Variants in NTM observed in about 807,000 individuals in gnomAD.
The protein encoded by NTM is neurotrimin, also known as IgLON family member 2.
Under a neutral mutation model 42.1 loss-of-function variants are expected in NTM, and 13 were observed. That is an observed-to-expected ratio of 0.31 (90% CI 0.20 to 0.49). The LOEUF is 0.49. Among genes scored for constraint, NTM ranks in the 20% least tolerant of loss-of-function variants. The pLI is 0.99. For missense variants in NTM, 373 were observed against 452.8 expected (o/e 0.82, Z 1.60); for synonymous variants, 187 against 179.2 (o/e 1.04, Z -0.35).
intron 1 of NTM, among the ~76,000 whole-genome samples, chr11:131,498,546 ACACT>A (rs1955593963): frequency 6.6e-6 from 1 of 151,994 alleles, no homozygotes; most frequent in South Asian, 2.1e-4. Context: ...ACACACGCAC[ACACT>A]CACACACATA....
At chr11:131,760,848 AGAG>A (rs915372384) in intron 1 of NTM, among the ~76,000 whole-genome samples, 1 of 152,190 alleles carries the variant, frequency 6.6e-6, no homozygotes, top group African/African-American at 2.4e-5. Flanking sequence ...GAGCGTAGGA[AGAG>A]GACTGTGCCC....
chr11:131,920,764 A>G (rs528212310), intron 2 of NTM, among the ~76,000 whole-genome samples: 2 of 152,208 alleles, frequency 1.3e-5, no homozygotes, highest in Non-Finnish European at 2.9e-5. Flanking sequence ...AAAATAATAG[A>G]ATTTTTAATG....
At chr11:131,876,739 C>T (rs899235902) in intron 1 of NTM, among the ~76,000 whole-genome samples, 30 of 152,074 alleles carry the variant, frequency 2.0e-4, no homozygotes, top group African/African-American at 7.2e-4. Context: ...TTTTTTCTGT[C>T]TGTGAATAAA....
Position 131,598,903 on chromosome 11 carries a change from C to T in NTM, c.82+228015C>T, listed in dbSNP as rs866213539. Among the ~76,000 whole-genome samples, 403 of 127,882 alleles carry T rather than the reference C, an allele frequency of 3.2e-3. 33 individuals are homozygous for T. Among genetic ancestry groups the T allele is most frequent in the African/African-American group, 0.013 (385 of 30,106 alleles). 83.9% of individuals were successfully genotyped at this position (127,882 alleles called of 152,430 possible). ...TCCTTCCTTCCTTCCTTCCTTCCTT[C>T]CTTCCTTCCTTCCTTCCTTCTTTCC... On this transcript the variant is annotated intron_variant, in intron 1 of 8. Transcript: ENST00000683400.
intron 2 of NTM, among the ~76,000 whole-genome samples, chr11:132,016,051 G>T (rs1447163592): frequency 6.6e-6 from 1 of 151,150 alleles, no homozygotes; most frequent in Non-Finnish European, 1.5e-5. Flanking sequence ...TTAGATGTAG[G>T]TTTGTCATAT....
chr11:132,050,322 T>TGCA (rs1229046537), intron 2 of NTM, among the ~76,000 whole-genome samples: 1 of 152,184 alleles, frequency 6.6e-6, no homozygotes, highest in East Asian at 1.9e-4. Flanking sequence ...AGCTCTGTCC[T>TGCA]GCAGCAGCAG....
At chr11:132,278,337 C>T (rs548277143) in intron 4 of NTM, among the ~76,000 whole-genome samples, 4 of 152,252 alleles carry the variant, frequency 2.6e-5, no homozygotes, top group African/African-American at 9.6e-5. Flanking sequence ...CTGTGGGCCT[C>T]AGTTGGAAAG....
chr11:131,436,772 T>C (rs528527515), intron 1 of NTM, among the ~76,000 whole-genome samples: 2 of 152,300 alleles, frequency 1.3e-5, no homozygotes, highest in African/African-American at 2.4e-5. Flanking sequence ...GGGTTTTGTG[T>C]TTCTATCTCC....
At chr11:131,684,684 T>C (rs542139759) in intron 1 of NTM, among the ~76,000 whole-genome samples, 2 of 152,334 alleles carry the variant, frequency 1.3e-5, no homozygotes, top group African/African-American at 4.8e-5. Flanking sequence ...TCCCTGCCTC[T>C]GTTTGAGAAG....
chr11:131,971,783 C>T (rs142374201), intron 2 of NTM, among the ~76,000 whole-genome samples: 15,143 of 151,814 alleles, frequency 0.1, 798 homozygotes, highest in East Asian at 0.19. Context: ...CAGTGGCTCA[C>T]GCCTGTAATC....
intron 1 of NTM, among the ~76,000 whole-genome samples, chr11:131,381,766 T>C (rs1942709264): frequency 6.6e-6 from 1 of 152,132 alleles, no homozygotes; most frequent in Non-Finnish European, 1.5e-5. Context: ...ACTACCTGAG[T>C]TGTGGCTCTC....
intron 1 of NTM, among the ~76,000 whole-genome samples, chr11:131,618,939 G>A (rs1306740703): frequency 2.0e-5 from 3 of 152,158 alleles, no homozygotes; most frequent in Non-Finnish European, 2.9e-5. Context: ...TGTCTGGCAT[G>A]TTTTCAGAGC....
intron 1 of NTM, among the ~76,000 whole-genome samples, chr11:131,670,429 T>G (rs1476735644): frequency 3.9e-5 from 6 of 152,172 alleles, no homozygotes. Flanking sequence ...ATTTATTTAT[T>G]TTTGCTAAGG....
chr11:132,103,688 T>C (rs1400652354), intron 2 of NTM, among the ~76,000 whole-genome samples: 1 of 152,216 alleles, frequency 6.6e-6, no homozygotes, highest in Admixed American at 6.5e-5. Flanking sequence ...GGGAAGGTAG[T>C]GTGCATATTT....
intron 2 of NTM, among the ~76,000 whole-genome samples, chr11:131,945,765 C>T (rs1399832835): frequency 2.6e-5 from 4 of 152,170 alleles, no homozygotes; most frequent in Non-Finnish European, 4.4e-5. Context: ...TACTGATATG[C>T]TCCCAAAGTC....
intron 1 of NTM, among the ~76,000 whole-genome samples, chr11:131,548,322 A>T (rs1439698920): frequency 6.6e-6 from 1 of 152,134 alleles, no homozygotes; most frequent in Non-Finnish European, 1.5e-5. Context: ...GGAAAAAAAC[A>T]TCCCCCAGGC....
At chr11:131,761,230 C>T (rs2084124179) in intron 1 of NTM, among the ~76,000 whole-genome samples, 1 of 152,178 alleles carries the variant, frequency 6.6e-6, no homozygotes, top group Admixed American at 6.5e-5. Context: ...CTATTCCTCA[C>T]AGCAGTTCAG....
intron 2 of NTM, among the ~76,000 whole-genome samples, chr11:132,125,699 AGTGTGGTGTGTAG>A (rs2065654072): frequency 4.0e-4 from 1 of 2,492 alleles, no homozygotes; most frequent in Non-Finnish European, 7.9e-4. Flanking sequence ...ATGTGGTGTG[AGTGTGGTGTGTAG>A]TGTGTGGTGT....
intron 4 of NTM, among the ~76,000 whole-genome samples, chr11:132,215,006 T>C (rs1309980389): frequency 6.6e-6 from 1 of 152,220 alleles, no homozygotes; most frequent in Non-Finnish European, 1.5e-5. Context: ...GAGATGTCAC[T>C]TGGCTGCTGC....
Sources: allele counts gnomAD v4.1 joint callset (sites outside exome capture counted in the v4.1 genomes callset), GRCh38; gene constraint gnomAD v4.1.1; transcripts MANE v1.5; gene names NCBI Gene and HGNC (gene_info 2026-07-23, HGNC 2026-07-21).